PRDM5: variants seen among roughly 807,000 people sequenced by gnomAD.
PRDM5 encodes PR domain zinc finger protein 5.
PRDM5 carries 56 observed loss-of-function variants against 81.2 expected under a neutral mutation model. That is an observed-to-expected ratio of 0.69 (90% CI 0.56 to 0.86). The LOEUF (loss-of-function observed/expected upper bound fraction) is 0.86, where lower values mean the gene tolerates loss of function less well. PRDM5 is among the 40% of genes least tolerant of loss of function. The pLI is 0.00. For synonymous variants in PRDM5, 267 were observed against 256.4 expected, an observed-to-expected ratio of 1.04 and a Z score of -0.39; for missense variants, 697 against 770.1, an observed-to-expected ratio of 0.91 and a Z score of 1.12.
At chr4:120,898,383 T>G (rs546963610) in intron 2 of PRDM5, among the ~76,000 whole-genome samples, 1 of 152,332 alleles carries the variant, frequency 6.6e-6, no homozygotes, top group South Asian at 2.1e-4. Context: ...TTTTAGTCCT[T>G]TTGGGTCTCC....
intron 2 of PRDM5, among the ~76,000 whole-genome samples, chr4:120,882,090 GGTCCTAAGCAA>G (rs1394442479): frequency 6.6e-6 from 1 of 152,154 alleles, no homozygotes. Flanking sequence ...CGCTCAGCGG[GGTCCTAAGCAA>G]GCCAGGCCCT....
intron 2 of PRDM5, among the ~76,000 whole-genome samples, chr4:120,861,863 G>T (rs2390054): frequency 0.49 from 74,143 of 151,868 alleles, 18,293 homozygotes; most frequent in East Asian, 0.71. Flanking sequence ...CTGTGCAAAG[G>T]TTATAGAAAC....
chr4:120,878,210 T>A (rs1295977855), intron 2 of PRDM5, among the ~76,000 whole-genome samples: 1 of 152,154 alleles, frequency 6.6e-6, no homozygotes, highest in African/African-American at 2.4e-5. Flanking sequence ...AACAAACTTG[T>A]TGAACTTACC....
intron 7 of PRDM5, among the ~76,000 whole-genome samples, chr4:120,813,253 T>C (rs1315007971): frequency 6.6e-6 from 1 of 152,168 alleles, no homozygotes; most frequent in Non-Finnish European, 1.5e-5. Flanking sequence ...TGCACCACAA[T>C]GAATAACCAT....
At chr4:120,700,107 A>G (rs1417336817) in intron 15 of PRDM5, among the ~76,000 whole-genome samples, 1 of 152,162 alleles carries the variant, frequency 6.6e-6, no homozygotes, top group African/African-American at 2.4e-5. Flanking sequence ...CACATACACC[A>G]ATGCAACAGA....
intron 13 of PRDM5, among the ~76,000 whole-genome samples, chr4:120,776,568 C>T (rs2149224686): frequency 6.6e-6 from 1 of 152,260 alleles, no homozygotes; most frequent in Admixed American, 6.5e-5. Flanking sequence ...AGTATTCTTT[C>T]AAGTCTTTTT....
intron 3 of PRDM5, among the ~76,000 whole-genome samples, chr4:120,850,720 C>T (rs1335213536): frequency 6.6e-6 from 1 of 152,104 alleles, no homozygotes; most frequent in Non-Finnish European, 1.5e-5. Context: ...CTGTTCTAAT[C>T]CCCCCTCACT....
At chr4:120,906,959 C>A (rs1765864517) in intron 2 of PRDM5, among the ~76,000 whole-genome samples, 1 of 145,214 alleles carries the variant, frequency 6.9e-6, no homozygotes, top group Non-Finnish European at 1.5e-5. Context: ...CTTCAGATCT[C>A]TAAAAGAACT....
intron 13 of PRDM5, among the ~76,000 whole-genome samples, chr4:120,770,820 T>G (rs1747163986): frequency 6.6e-6 from 1 of 152,200 alleles, no homozygotes; most frequent in Admixed American, 6.5e-5. Context: ...ACAATCATGA[T>G]ATACACACTA....
chr4:120,763,515 G>C (rs1745936563), intron 13 of PRDM5, among the ~76,000 whole-genome samples: 2 of 152,088 alleles, frequency 1.3e-5, no homozygotes, highest in Non-Finnish European at 2.9e-5. Flanking sequence ...AGAAAGATCT[G>C]AACAATCCAG....
intron 3 of PRDM5, among the ~76,000 whole-genome samples, chr4:120,844,939 T>C (rs990605677): frequency 1.3e-5 from 2 of 152,230 alleles, no homozygotes; most frequent in African/African-American, 4.8e-5. Context: ...ATTGCTGATA[T>C]GGAGAAAGTT....
At chr4:120,807,153 C>T (rs369533843) in intron 8 of PRDM5, among the ~76,000 whole-genome samples, 3 of 152,268 alleles carry the variant, frequency 2.0e-5, no homozygotes, top group East Asian at 3.9e-4. Context: ...CAATGAGATA[C>T]CATCTCACAC....
chr4:120,908,082 T>A (rs563499894), intron 1 of PRDM5, among the ~76,000 whole-genome samples: 8 of 152,368 alleles, frequency 5.3e-5, no homozygotes, highest in African/African-American at 1.7e-4. Context: ...TAAACCATGC[T>A]TTCTTGAAGT....
chr4:120,709,644 T>C (rs771567826), intron 15 of PRDM5, among the ~76,000 whole-genome samples: 8 of 152,170 alleles, frequency 5.3e-5, no homozygotes, highest in Non-Finnish European at 1.0e-4. Flanking sequence ...TTTTCTTACA[T>C]TGATTCCCTA....
intron 14 of PRDM5, among the ~76,000 whole-genome samples, chr4:120,746,383 C>G (rs1479419008): frequency 6.8e-6 from 1 of 146,708 alleles, no homozygotes; most frequent in Non-Finnish European, 1.5e-5. Flanking sequence ...GCAAGGACTT[C>G]ATGTCTAAAA....
In PRDM5 at chr4:120,685,521, G is replaced by A. The variant is rs578022736; in HGVS notation, n.104-496C>T. The stretch of plus-strand genomic sequence containing the variant: ...TACAAATTAAAATGTTATCAATTTG[G>A]CTCATGACTATTTTGCTTCAGGGTG... On this transcript the variant is annotated intron_variant and non_coding_transcript_variant, in intron 1 of 1. Transcript: ENST00000513741. 1.2e-4 allele frequency among the ~76,000 whole-genome samples: 18 copies of A among 152,146 alleles called. No individual in the cohort carries two copies. The South Asian group carries it at 1.9e-3, about 16-fold the overall frequency.
intron 14 of PRDM5, among the ~76,000 whole-genome samples, chr4:120,730,863 A>C (rs1488917210): frequency 6.6e-6 from 1 of 152,182 alleles, no homozygotes; most frequent in East Asian, 1.9e-4. Context: ...CAAGTTCATA[A>C]AGGAGTTTAG....
At chr4:120,792,189 C>T (rs955910409) in intron 10 of PRDM5, among the ~76,000 whole-genome samples, 2 of 152,126 alleles carry the variant, frequency 1.3e-5, no homozygotes, top group Non-Finnish European at 2.9e-5. Context: ...AAATATCCTC[C>T]AGTTAGGATC....
At chr4:120,880,895 G>A (rs957190095) in intron 2 of PRDM5, among the ~76,000 whole-genome samples, 10 of 152,200 alleles carry the variant, frequency 6.6e-5, no homozygotes, top group Non-Finnish European at 8.8e-5. Context: ...TCAACTCTGG[G>A]TGTCAATGAA....
Sources: gnomAD v4.1 joint callset for allele counts (sites outside exome capture counted in the v4.1 genomes callset) on GRCh38, gnomAD v4.1.1 for gene constraint, MANE v1.5 for transcripts, NCBI Gene and HGNC (gene_info 2026-07-23, HGNC 2026-07-21) for gene names.